PTPRK: variants seen among roughly 807,000 people sequenced by gnomAD.
The protein encoded by PTPRK is receptor-type tyrosine-protein phosphatase kappa.
Under a neutral mutation model 178.0 loss-of-function variants are expected in PTPRK, and 75 were observed. The ratio of observed to expected loss-of-function variants is 0.42; its 90% CI spans 0.35 to 0.51. The LOEUF is 0.51. Among genes scored for constraint, PTPRK ranks in the 20% least tolerant of loss-of-function variants. The pLI, the probability that PTPRK is intolerant of heterozygous loss-of-function variation, is 0.02. For missense variants in PTPRK, 1,441 were observed against 1,797.8 expected, an observed-to-expected ratio of 0.80 and a Z score of 3.59; for synonymous variants, 637 against 620.6, an observed-to-expected ratio of 1.03 and a Z score of -0.39.
chr6:128,295,412 T>C (rs1000968493), intron 3 of PTPRK, among the ~76,000 whole-genome samples: 1 of 152,018 alleles, frequency 6.6e-6, no homozygotes, highest in Non-Finnish European at 1.5e-5. Context: ...GATTTTTTTT[T>C]AAATTGGTGC....
chr6:128,044,823 G>GTA (rs1230993920), intron 13 of PTPRK, among the ~76,000 whole-genome samples: 1 of 151,674 alleles, frequency 6.6e-6, no homozygotes, highest in East Asian at 1.9e-4. Flanking sequence ...TACTTAATTT[G>GTA]TATATATGTG....
chr6:128,416,967 A>G (rs1842925192), intron 1 of PTPRK, among the ~76,000 whole-genome samples: 1 of 148,462 alleles, frequency 6.7e-6, no homozygotes, highest in Non-Finnish European at 1.5e-5. Flanking sequence ...TAATAAAATT[A>G]TATAGATATA....
intron 5 of PTPRK, 116 bp from the exon 6 acceptor site, chr6:128,219,212 T>C: frequency 1.0e-6 from 1 of 971,322 alleles, no homozygotes; most frequent in African/African-American, 1.7e-5. Context: ...AGCCACAATT[T>C]TTTTCCATTG....
At chr6:128,046,114 A>T (rs1368416874) in intron 13 of PTPRK, among the ~76,000 whole-genome samples, 1 of 152,168 alleles carries the variant, frequency 6.6e-6, no homozygotes, top group Admixed American at 6.6e-5. Flanking sequence ...TTGATTTTTC[A>T]TTAAAATTGT....
intron 2 of PTPRK, among the ~76,000 whole-genome samples, chr6:128,369,248 T>C (rs1277213740): frequency 6.6e-6 from 1 of 152,102 alleles, no homozygotes; most frequent in Non-Finnish European, 1.5e-5. Context: ...GCAGTAATGA[T>C]TATAGAGAGT....
At chr6:128,456,359 T>A (rs1018661084) in intron 1 of PTPRK, among the ~76,000 whole-genome samples, 8 of 152,004 alleles carry the variant, frequency 5.3e-5, no homozygotes, top group African/African-American at 1.9e-4. Flanking sequence ...AACCAAGGGT[T>A]ACAGAACAAA....
intron 29 of PTPRK, among the ~76,000 whole-genome samples, chr6:127,971,981 C>G (rs751684219): frequency 6.6e-6 from 1 of 152,112 alleles, no homozygotes; most frequent in Non-Finnish European, 1.5e-5. Context: ...GCACCCCAAT[C>G]AAAACCAATG....
chr6:128,040,674 T>C lies in PTPRK; in HGVS notation c.2194+24084A>G, dbSNP rs115358697. Among the ~76,000 whole-genome samples the C allele has an allele frequency of 7.8e-3, 1,191 of 152,228 alleles. 13 individuals are homozygous for C. Among genetic ancestry groups the C allele is most frequent in the African/African-American group, 0.026 (1,063 of 41,548 alleles). On this transcript the variant is annotated intron_variant, in intron 13 of 29. Coordinates refer to ENST00000368226, the MANE Select transcript of PTPRK (RefSeq NM_002844.4). ...TGTACGTAAGGGTTAGTAATACTCA[T>C]ACTGTAAGGCTCTTCCTGCCACTAC...
intron 1 of PTPRK, among the ~76,000 whole-genome samples, chr6:128,430,188 T>C (rs1844650891): frequency 6.6e-6 from 1 of 152,116 alleles, no homozygotes; most frequent in Non-Finnish European, 1.5e-5. Flanking sequence ...TCTAAAACCA[T>C]GGAAATTCAA....
chr6:128,070,706 T>C (rs899512104), intron 11 of PTPRK, among the ~76,000 whole-genome samples: 4 of 151,902 alleles, frequency 2.6e-5, no homozygotes, highest in African/African-American at 9.7e-5. Context: ...CTTCATGATA[T>C]AACATTCACC....
At chr6:128,021,620 T>A (rs1451702152) in intron 13 of PTPRK, among the ~76,000 whole-genome samples, 1 of 152,114 alleles carries the variant, frequency 6.6e-6, no homozygotes, top group South Asian at 2.1e-4. Flanking sequence ...AGCCTGGGTA[T>A]CAGAGCGAGA....
At chr6:128,152,100 A>G (rs1195499305) in intron 7 of PTPRK, among the ~76,000 whole-genome samples, 1 of 152,088 alleles carries the variant, frequency 6.6e-6, no homozygotes, top group Non-Finnish European at 1.5e-5. Context: ...AAGGTCAGGA[A>G]GAAGGTAGAA....
chr6:128,493,185 C>T (rs1274685664), intron 1 of PTPRK, among the ~76,000 whole-genome samples: 1 of 152,112 alleles, frequency 6.6e-6, no homozygotes, highest in Non-Finnish European at 1.5e-5. Flanking sequence ...ATTCTATTGA[C>T]CAAAATTCAC....
intron 2 of PTPRK, among the ~76,000 whole-genome samples, chr6:128,381,570 C>A (rs1157704249): frequency 6.6e-6 from 1 of 152,030 alleles, no homozygotes. Flanking sequence ...CACCTTGGGC[C>A]AGAGGGAAGG....
intron 3 of PTPRK, among the ~76,000 whole-genome samples, chr6:128,296,388 T>C (rs958366962): frequency 2.0e-5 from 3 of 151,968 alleles, no homozygotes; most frequent in Non-Finnish European, 4.4e-5. Flanking sequence ...ACAAAGATAC[T>C]CCTCGAGAAG....
intron 7 of PTPRK, among the ~76,000 whole-genome samples, chr6:128,168,324 A>G (rs1438065420): frequency 6.6e-6 from 1 of 152,088 alleles, no homozygotes; most frequent in Non-Finnish European, 1.5e-5. Context: ...TGCAGGTGGA[A>G]ATGAAAGTTG....
At chr6:128,017,802 G>GTGTATATATATATA (rs1287001811) in intron 13 of PTPRK, among the ~76,000 whole-genome samples, 154 of 101,230 alleles carry the variant, frequency 1.5e-3, no homozygotes, top group Middle Eastern at 6.1e-3. Flanking sequence ...ATATATATGT[G>GTGTATATATATATA]TATATATATA....
intron 1 of PTPRK, among the ~76,000 whole-genome samples, chr6:128,409,048 A>G (rs1439456953): frequency 6.6e-6 from 1 of 152,220 alleles, no homozygotes; most frequent in East Asian, 1.9e-4. Flanking sequence ...TGGAAAGAAG[A>G]CAGTGTCATA....
At position 128,273,955 on chromosome 6, in the gene PTPRK, G is replaced by A. The variant is rs1411637915; in HGVS notation, c.496-31353C>T. On this transcript the variant is annotated intron_variant, in intron 3 of 29. Transcript: ENST00000368226. Reference sequence around the variant, plus strand: ...ACCAAATACATACATACAGAGATAAGCGATGTGCCTTTTTATTATTAATGA... The same window carrying A: ...ACCAAATACATACATACAGAGATAAACGATGTGCCTTTTTATTATTAATGA... Among the ~76,000 whole-genome samples the A allele has an allele frequency of 2.0e-5, 3 of 152,042 alleles. No individual in the cohort carries two copies. In the East Asian group the frequency reaches 5.8e-4, roughly 29 times the overall value.
Sources: gnomAD v4.1 joint callset for allele counts (sites outside exome capture counted in the v4.1 genomes callset) on GRCh38, gnomAD v4.1.1 for gene constraint, MANE v1.5 for transcripts, NCBI Gene and HGNC (gene_info 2026-07-23, HGNC 2026-07-21) for gene names.